The following NFAT5 variants were observed in gnomAD, a reference collection of about 807,000 sequenced individuals.
The protein encoded by NFAT5 is nuclear factor of activated T-cells 5.
A neutral mutation model predicts 166.5 loss-of-function variants in NFAT5; 31 were observed. That is an observed-to-expected ratio of 0.19 (90% CI 0.14 to 0.25). NFAT5 has a LOEUF of 0.25. Ranked by LOEUF, NFAT5 falls within the 10% of genes least tolerant of loss-of-function variation. The pLI is 1.00. For missense variants in NFAT5, 1,449 were observed against 1,821.8 expected (o/e 0.80, Z 3.72); for synonymous variants, 612 against 639.7 (o/e 0.96, Z 0.65).
intron 2 of NFAT5, among the ~76,000 whole-genome samples, chr16:69,603,042 T>G (rs984096168): frequency 2.0e-5 from 3 of 152,204 alleles, no homozygotes; most frequent in Non-Finnish European, 2.9e-5. Context: ...TAGAAAATAT[T>G]CATGATTGTA....
At chr16:69,684,008 A>C (rs2037178924) in intron 10 of NFAT5, among the ~76,000 whole-genome samples, 1 of 151,680 alleles carries the variant, frequency 6.6e-6, no homozygotes, top group African/African-American at 2.4e-5. Context: ...CTGAGGCACG[A>C]GAATCCCTTA....
intron 2 of NFAT5, among the ~76,000 whole-genome samples, chr16:69,620,365 T>G (rs1049447254): frequency 6.6e-6 from 1 of 152,222 alleles, no homozygotes; most frequent in African/African-American, 2.4e-5. Context: ...CAACTAAAAT[T>G]TTTAATGAAA....
rs1003861783 is a variant in NFAT5 at position 69,693,487 on chromosome 16, C to T, written c.3662C>T (p.Pro1221Leu). 1.2e-6 allele frequency: 2 copies of T among 1,614,174 alleles called. No individual in the cohort carries two copies. The highest frequency in any genetic ancestry group is 1.7e-6 in the Non-Finnish European group (2 of 1,180,034). ...TPMLSQEQAQ[P>L]PQQGLFQPQV... Reference sequence around the variant, plus strand: ...ATGCTTTCCCAAGAACAGGCACAACCCCCGCAGCAGGGTTTATTTCAGCCT... The same window carrying T: ...ATGCTTTCCCAAGAACAGGCACAACTCCCGCAGCAGGGTTTATTTCAGCCT... Residue 1221 changes from proline (P) to leucine (L), a missense_variant, in exon 13 of 15, where the codon CCC becomes CTC. Coordinates refer to ENST00000349945, the MANE Select transcript of NFAT5 (RefSeq NM_138713.4).
intron 2 of NFAT5, among the ~76,000 whole-genome samples, chr16:69,599,896 A>G (rs1480353140): frequency 6.6e-6 from 1 of 152,196 alleles, no homozygotes; most frequent in Non-Finnish European, 1.5e-5. Flanking sequence ...GTGCTAGATC[A>G]TGTAAGGACT....
At position 69,693,910 on chromosome 16, in the gene NFAT5, C is replaced by A; in HGVS notation, c.4085C>A (p.Ser1362Ter). 1 of 1,614,188 alleles carries A rather than the reference C, an allele frequency of 6.2e-7. No homozygotes were observed. Among genetic ancestry groups the A allele is most frequent in the South Asian group, 1.1e-5 (1 of 91,050 alleles). Residue 1362 changes from serine (S) to a stop codon, truncating the protein, a stop_gained, in exon 13 of 15, where the codon TCG (serine) becomes TAG (stop). Transcript: ENST00000349945. LOFTEE classifies it high-confidence loss of function. Reference sequence around the variant, plus strand: ...CTTCAGAACCCAGGTCCTACCCAGTCGGAATCATCACAGACCCCCTTGTTC... The same window carrying A: ...CTTCAGAACCCAGGTCCTACCCAGTAGGAATCATCACAGACCCCCTTGTTC... Reference protein sequence around the residue: ...SSLQNPGPTQSESSQTPLFHS... With the variant: ...SSLQNPGPTQ
chr16:69,580,848 G>T (rs1052569646), intron 2 of NFAT5, among the ~76,000 whole-genome samples: 2 of 151,896 alleles, frequency 1.3e-5, no homozygotes, highest in African/African-American at 4.8e-5. Flanking sequence ...GTAGAGACAG[G>T]GTTTCACCAT....
At chr16:69,646,919 T>C (rs2035460439) in intron 3 of NFAT5, 109 bp from the exon 4 acceptor site, 1 of 927,154 alleles carries the variant, frequency 1.1e-6, no homozygotes, top group Non-Finnish European at 1.6e-6. Flanking sequence ...TTCTGACTAT[T>C]CATTTTGGGG....
chr16:69,573,863 C>G (rs2016580236), intron 2 of NFAT5, among the ~76,000 whole-genome samples: 1 of 145,860 alleles, frequency 6.9e-6, no homozygotes, highest in African/African-American at 2.5e-5. Context: ...ATATAAAAAA[C>G]AGCCACTTTT....
At chr16:69,680,041 CTGGGAGGCAG>C (rs1181656436) in intron 10 of NFAT5, among the ~76,000 whole-genome samples, 1 of 152,148 alleles carries the variant, frequency 6.6e-6, no homozygotes, top group East Asian at 1.9e-4. Context: ...TGGCATGAAC[CTGGGAGGCAG>C]AGCTTGCAGT....
intron 2 of NFAT5, among the ~76,000 whole-genome samples, chr16:69,580,945 G>A (rs1055280664): frequency 6.6e-6 from 1 of 152,166 alleles, no homozygotes; most frequent in Non-Finnish European, 1.5e-5. Flanking sequence ...GTGAGCTGCC[G>A]CACCCGGCCG....
chr16:69,634,238 C>T (rs540780595), intron 3 of NFAT5, among the ~76,000 whole-genome samples: 34 of 142,376 alleles, frequency 2.4e-4, no homozygotes, highest in Non-Finnish European at 3.9e-4. Context: ...GAGATCATGC[C>T]ACTGCACTCC....
chr16:69,580,207 T>C (rs1020692268), intron 2 of NFAT5, among the ~76,000 whole-genome samples: 2 of 151,960 alleles, frequency 1.3e-5, no homozygotes, highest in Non-Finnish European at 2.9e-5. Context: ...ACTTTTAATA[T>C]GTAATGTAAT....
chr16:69,633,722 A>T (rs990431440), intron 3 of NFAT5, among the ~76,000 whole-genome samples: 1 of 152,194 alleles, frequency 6.6e-6, no homozygotes, highest in African/African-American at 2.4e-5. Flanking sequence ...TTGTTGAAGG[A>T]TACAAAATTT....
chr16:69,647,737 A>T lies in NFAT5; in HGVS notation c.812+151A>T, dbSNP rs1597465557. Reference sequence around the variant, plus strand: ...TTGAAATACATGAAAATTTTAACTTAAAATTACCAACTTTTACTAGATAGA... The same window carrying T: ...TTGAAATACATGAAAATTTTAACTTTAAATTACCAACTTTTACTAGATAGA... On this transcript the variant is annotated intron_variant, in intron 4 of 14. Coordinates refer to ENST00000349945, the MANE Select transcript of NFAT5 (RefSeq NM_138713.4). The surrounding 1 kb of genome is among the most constrained non-coding windows in gnomAD (Gnocchi z 4.8). 1.5e-6 allele frequency: 1 copy of T among 664,030 alleles called. No homozygotes were observed. The highest frequency in any genetic ancestry group is 1.8e-5 in the African/African-American group (1 of 55,062). 41.1% of individuals were successfully genotyped at this position (664,030 alleles called of 1,614,324 possible). A position where few individuals can be genotyped will look rare whatever the true frequency, so the allele number is the denominator to read the frequency against.
Position 69,698,204 on chromosome 16 carries a change from T to C in NFAT5, c.*1853T>C, listed in dbSNP as rs2037824293. The C allele has an allele frequency of 6.6e-6, 1 of 152,468 alleles. No individual in the cohort carries two copies. The highest frequency in any genetic ancestry group is 2.4e-5 in the African/African-American group (1 of 41,406). The allele number at this position is 152,468 out of a possible 1,614,324, so 9.4% of individuals were successfully genotyped here. On this transcript the variant is annotated 3_prime_UTR_variant, in exon 15 of 15. Coordinates refer to ENST00000349945, the MANE Select transcript of NFAT5 (RefSeq NM_138713.4). ...GGCTTCTTGCCGATATGAAGGGAACTTTTCAGAAAGAGACCTACTCTGGGT... is the reference window on the plus strand; with the variant it reads ...GGCTTCTTGCCGATATGAAGGGAACCTTTCAGAAAGAGACCTACTCTGGGT...
At chr16:69,594,261 G>A (rs1285844023) in intron 2 of NFAT5, among the ~76,000 whole-genome samples, 1 of 152,142 alleles carries the variant, frequency 6.6e-6, no homozygotes, top group African/African-American at 2.4e-5. Context: ...GTTGCTCCTA[G>A]GCTACAAATC....
At chr16:69,583,634 A>T (rs1253625217) in intron 2 of NFAT5, among the ~76,000 whole-genome samples, 1 of 152,222 alleles carries the variant, frequency 6.6e-6, no homozygotes, top group Non-Finnish European at 1.5e-5. Context: ...AACAATAAAG[A>T]ACATCTAGTG....
chr16:69,654,567 C>T (rs768376673), intron 5 of NFAT5, among the ~76,000 whole-genome samples: 17 of 152,144 alleles, frequency 1.1e-4, no homozygotes, highest in Admixed American at 3.3e-4. Context: ...TTGGTCATTA[C>T]GTTTAACCTA....
intron 10 of NFAT5, 67 bp from the exon 11 acceptor site, chr16:69,684,820 G>T (rs2151702682): frequency 6.9e-6 from 7 of 1,012,768 alleles, no homozygotes; most frequent in Non-Finnish European, 1.0e-5. Context: ...TCTAATTAAA[G>T]AATTTAAGAT....
Sources: allele counts gnomAD v4.1 joint callset (sites outside exome capture counted in the v4.1 genomes callset), GRCh38; gene constraint gnomAD v4.1.1; non-coding constraint Gnocchi (gnomAD v3.1); transcripts MANE v1.5; gene names NCBI Gene and HGNC (gene_info 2026-07-23, HGNC 2026-07-21).